The following STARD3NL variants were observed in gnomAD, a reference collection of about 807,000 sequenced individuals.
STARD3NL encodes STARD3 N-terminal-like protein.
In STARD3NL, 17 loss-of-function variants were observed where a neutral mutation model predicts 30.9. The ratio of observed to expected loss-of-function variants is 0.55; its 90% CI spans 0.38 to 0.82. The LOEUF (loss-of-function observed/expected upper bound fraction) is 0.82, where lower values mean the gene tolerates loss of function less well. Ranked by LOEUF, STARD3NL falls within the 40% of genes least tolerant of loss-of-function variation. The probability of loss-of-function intolerance (pLI) is 0.00; values close to 1 mark genes in which losing one functional copy is unlikely to be tolerated. For missense variants in STARD3NL, 234 were observed against 277.6 expected (o/e 0.84, Z 1.12); for synonymous variants, 112 against 100.5 (o/e 1.11, Z -0.69).
At position 38,215,040 on chromosome 7, in the gene STARD3NL, T is replaced by C; in HGVS notation, c.316T>C (p.Phe106Leu). ...SYFDIFLLAVFRFKVLILAYA... is the reference protein window; with the variant it reads ...SYFDIFLLAVLRFKVLILAYA... ...TTCTTACTTTCAGCTTCTGGCAGTTTTTCGATTTAAAGTGTTAATACTTGC... is the reference window on the plus strand; with the variant it reads ...TTCTTACTTTCAGCTTCTGGCAGTTCTTCGATTTAAAGTGTTAATACTTGC... The change falls in exon 4 of 9, where the codon TTT (phenylalanine) becomes CTT (leucine). Residue 106 changes from phenylalanine to leucine, a missense_variant. By Grantham distance (22) the Phe-to-Leu change is conservative. Coordinates refer to ENST00000009041, the MANE Select transcript of STARD3NL (RefSeq NM_032016.4). The C allele has an allele frequency of 1.2e-6, 2 of 1,613,946 alleles. No individual in the cohort carries two copies. Among genetic ancestry groups the C allele is most frequent in the Non-Finnish European group, 1.7e-6 (2 of 1,179,914 alleles).
intron 1 of STARD3NL, among the ~76,000 whole-genome samples, chr7:38,182,580 C>A (rs1212154187): frequency 1.3e-5 from 2 of 152,198 alleles, no homozygotes; most frequent in Non-Finnish European, 2.9e-5. Flanking sequence ...GAACTCCTGG[C>A]AGCCTCTTAC....
At chr7:38,193,208 T>G (rs912742150) in intron 1 of STARD3NL, among the ~76,000 whole-genome samples, 5 of 152,246 alleles carry the variant, frequency 3.3e-5, no homozygotes, top group Non-Finnish European at 7.3e-5. Context: ...GTTGTGTTCG[T>G]GCATGCTTTT....
At chr7:38,202,679 T>C (rs1015400042) in intron 1 of STARD3NL, among the ~76,000 whole-genome samples, 1 of 151,588 alleles carries the variant, frequency 6.6e-6, no homozygotes, top group South Asian at 2.1e-4. Context: ...ACCCATTAAC[T>C]CATCATTTAC....
chr7:38,187,071 G>C (rs1030256206), intron 1 of STARD3NL, among the ~76,000 whole-genome samples: 1 of 152,002 alleles, frequency 6.6e-6, no homozygotes, highest in African/African-American at 2.4e-5. Context: ...TTAATCCTCA[G>C]GGCCCATCTT....
intron 1 of STARD3NL, among the ~76,000 whole-genome samples, chr7:38,195,380 C>T (rs1257775114): frequency 1.3e-5 from 2 of 152,122 alleles, no homozygotes; most frequent in African/African-American, 4.8e-5. Context: ...TTAAAAATCC[C>T]AGTGTTAGCC....
At chr7:38,214,968 T>G (rs1261834452) in intron 3 of STARD3NL, 60 bp from the exon 4 acceptor site, 1 of 1,485,454 alleles carries the variant, frequency 6.7e-7, no homozygotes, top group African/African-American at 1.4e-5. Context: ...GAGTTTTTCA[T>G]AAAGCTGTGT....
intron 1 of STARD3NL, among the ~76,000 whole-genome samples, chr7:38,204,161 C>T (rs1785327319): frequency 6.6e-6 from 1 of 152,204 alleles, no homozygotes; most frequent in African/African-American, 2.4e-5. Flanking sequence ...GAACTCTCCA[C>T]CCCAAATCAA....
chr7:38,207,464 A>G lies in STARD3NL; in HGVS notation c.-41A>G, dbSNP rs756578844. ...TCCCAAAGGTGTCTTCTCTTTAGGG[A>G]TGGTGAGGTTGGAAAAAGGCTCCTG... is the stretch of plus-strand genomic sequence containing the variant. On this transcript the variant is annotated 5_prime_UTR_variant, in exon 2 of 9. An upstream start codon of the reference 5' UTR is lost. Transcript: ENST00000009041. The G allele has an allele frequency of 5.1e-6, 8 of 1,562,564 alleles. No individual in the cohort carries two copies. The highest frequency in any genetic ancestry group is 1.4e-5 in the African/African-American group (1 of 73,710).
chr7:38,183,464 T>A (rs1485047658), intron 1 of STARD3NL, among the ~76,000 whole-genome samples: 2 of 152,226 alleles, frequency 1.3e-5, no homozygotes, highest in South Asian at 2.1e-4. Context: ...GTTTTACTTA[T>A]GAGAGATGCT....
intron 3 of STARD3NL, 147 bp downstream of exon 3, chr7:38,214,581 A>T (rs1303789400): frequency 1.8e-6 from 1 of 548,590 alleles, no homozygotes; most frequent in East Asian, 3.1e-5. Context: ...CCACCCATTC[A>T]ATGTTCTCTC....
chr7:38,182,767 A>G (rs998790255), intron 1 of STARD3NL, among the ~76,000 whole-genome samples: 1 of 152,180 alleles, frequency 6.6e-6, no homozygotes, highest in African/African-American at 2.4e-5. Context: ...AGGCATGGGT[A>G]TGGAATCAAG....
rs142630693 is a variant in STARD3NL, at chr7:38,194,889, C to T, written c.-58-12558C>T. On this transcript the variant is annotated intron_variant, in intron 1 of 8. Coordinates refer to ENST00000009041, the MANE Select transcript of STARD3NL (RefSeq NM_032016.4). ...TTATAGTATTGAAATAATCTGTATT[C>T]GTATCATTAAAATATCAAATAGGCT... is the stretch of plus-strand genomic sequence containing the variant. 2.4e-3 allele frequency among the ~76,000 whole-genome samples: 368 copies of T among 152,022 alleles called. 1 individual carries two copies. Among genetic ancestry groups the T allele is most frequent in the African/African-American group, 8.3e-3 (343 of 41,460 alleles).
intron 2 of STARD3NL, among the ~76,000 whole-genome samples, chr7:38,210,559 G>A (rs549054329): frequency 2.0e-5 from 3 of 152,154 alleles, no homozygotes; most frequent in East Asian, 3.9e-4. Context: ...ATCTCTTTTC[G>A]GTCAATCAAA....
chr7:38,217,983 A>G (rs958743900), intron 6 of STARD3NL, among the ~76,000 whole-genome samples: 2 of 152,242 alleles, frequency 1.3e-5, no homozygotes, highest in Non-Finnish European at 2.9e-5. Flanking sequence ...CTATAATCTC[A>G]TCATGGCTTT....
intron 2 of STARD3NL, among the ~76,000 whole-genome samples, chr7:38,210,059 T>C (rs1383894378): frequency 6.6e-6 from 1 of 152,228 alleles, no homozygotes; most frequent in African/African-American, 2.4e-5. Flanking sequence ...TGTTTTGAAT[T>C]GTCAGTCTTG....
At chr7:38,182,982 T>C (rs1410513940) in intron 1 of STARD3NL, among the ~76,000 whole-genome samples, 1 of 152,218 alleles carries the variant, frequency 6.6e-6, no homozygotes, top group East Asian at 1.9e-4. Flanking sequence ...ATACTGTGCA[T>C]TATTGCTCAC....
At chr7:38,206,406 G>A (rs911627408) in intron 1 of STARD3NL, among the ~76,000 whole-genome samples, 7 of 152,150 alleles carry the variant, frequency 4.6e-5, no homozygotes, top group Non-Finnish European at 8.8e-5. Context: ...CACAGGGAGA[G>A]GTCCTACAGG....
At chr7:38,219,273 C>G (rs1017844418) in intron 6 of STARD3NL, among the ~76,000 whole-genome samples, 1 of 152,154 alleles carries the variant, frequency 6.6e-6, no homozygotes, top group Admixed American at 6.5e-5. Flanking sequence ...TCTCAAACTC[C>G]TGGGCTCAAG....
chr7:38,183,546 A>G (rs994829378), intron 1 of STARD3NL, among the ~76,000 whole-genome samples: 1 of 152,108 alleles, frequency 6.6e-6, no homozygotes, highest in Non-Finnish European at 1.5e-5. Flanking sequence ...GTTTCTATAT[A>G]CTTGTATTCA....
Sources: allele counts gnomAD v4.1 joint callset (sites outside exome capture counted in the v4.1 genomes callset), GRCh38; gene constraint gnomAD v4.1.1; transcripts MANE v1.5; gene names NCBI Gene and HGNC (gene_info 2026-07-23, HGNC 2026-07-21).